The following AFF1 variants were observed in gnomAD, a reference collection of about 807,000 sequenced individuals.
AFF1 encodes AF4/FMR2 family member 1.
Under a neutral mutation model 121.7 loss-of-function variants are expected in AFF1, and 48 were observed. That is an observed-to-expected ratio of 0.39 (90% CI 0.31 to 0.50). AFF1 has a LOEUF of 0.50. Among genes scored for constraint, AFF1 ranks in the 20% least tolerant of loss-of-function variants. The pLI is 0.76. For synonymous variants in AFF1, 613 were observed against 563.0 expected (o/e 1.09, Z -1.26); for missense variants, 1,523 against 1,511.7 (o/e 1.01, Z -0.12).
intron 4 of AFF1, among the ~76,000 whole-genome samples, chr4:87,050,699 G>A (rs1039250371): frequency 2.0e-5 from 3 of 152,166 alleles, no homozygotes; most frequent in African/African-American, 4.8e-5. Context: ...GTTTTTCTCC[G>A]GGAGTGTCTG....
intron 5 of AFF1, among the ~76,000 whole-genome samples, chr4:87,085,738 T>C (rs1032085049): frequency 6.7e-6 from 1 of 150,230 alleles, no homozygotes; most frequent in Non-Finnish European, 1.5e-5. Flanking sequence ...AAAGAACCTC[T>C]AGAGAAACAT....
At chr4:86,958,080 CTTTTTTTTTCCT>C (rs1721874205) in intron 2 of AFF1, among the ~76,000 whole-genome samples, 3 of 120,960 alleles carry the variant, frequency 2.5e-5, no homozygotes, top group African/African-American at 6.1e-5. Context: ...TGAACTTTTT[CTTTTTTTTTCCT>C]TTTTTTTTTT....
intron 2 of AFF1, among the ~76,000 whole-genome samples, chr4:86,948,787 A>AT (rs144298333): frequency 1.2e-4 from 19 of 152,184 alleles, no homozygotes; most frequent in Middle Eastern, 3.4e-3. Flanking sequence ...CTGTTAACTC[A>AT]TTTTTTTTAA....
intron 2 of AFF1, among the ~76,000 whole-genome samples, chr4:87,045,571 T>C (rs1188837419): frequency 6.6e-6 from 1 of 152,198 alleles, no homozygotes; most frequent in African/African-American, 2.4e-5. Flanking sequence ...AATTGGATTT[T>C]CTCATCCTTG....
At chr4:87,000,221 T>C (rs1351687153) in intron 2 of AFF1, among the ~76,000 whole-genome samples, 2 of 152,186 alleles carry the variant, frequency 1.3e-5, no homozygotes, top group Non-Finnish European at 2.9e-5. Flanking sequence ...CCACCCCTTT[T>C]CCTGTGTCTG....
At chr4:87,086,342 A>G (rs1170772533) in intron 5 of AFF1, among the ~76,000 whole-genome samples, 2 of 152,116 alleles carry the variant, frequency 1.3e-5, no homozygotes, top group Non-Finnish European at 2.9e-5. Context: ...GAAATAAGAC[A>G]TGTCACATCC....
At chr4:86,980,947 AC>A (rs57473395) in intron 2 of AFF1, among the ~76,000 whole-genome samples, 7,466 of 102,432 alleles carry the variant, frequency 0.073, 651 homozygotes, top group Middle Eastern at 0.17. Context: ...GGCTTGAGGC[AC>A]CCCCCCCCTC....
At chr4:87,053,168 A>G (rs1560578541) in intron 4 of AFF1, among the ~76,000 whole-genome samples, 1 of 152,190 alleles carries the variant, frequency 6.6e-6, no homozygotes, top group Non-Finnish European at 1.5e-5. Flanking sequence ...GAATCCTTAT[A>G]TGGTCTTAAT....
intron 4 of AFF1, among the ~76,000 whole-genome samples, chr4:87,067,286 A>G (rs572777834): frequency 1.0e-3 from 155 of 152,362 alleles, no homozygotes; most frequent in Non-Finnish European, 1.3e-3. Flanking sequence ...CCATGCAACA[A>G]GCTTAATAGT....
At chr4:86,939,288 ACT>A (rs1421458768) in intron 1 of AFF1, among the ~76,000 whole-genome samples, 2 of 108,578 alleles carry the variant, frequency 1.8e-5, no homozygotes, top group Admixed American at 1.1e-4. Flanking sequence ...AAGTGACTTG[ACT>A]CTGTGACTCA....
intron 2 of AFF1, among the ~76,000 whole-genome samples, chr4:86,994,709 C>T (rs1724982287): frequency 6.6e-6 from 1 of 152,160 alleles, no homozygotes; most frequent in Non-Finnish European, 1.5e-5. Context: ...GAGAAGGCTT[C>T]TGAGAAGAGC....
Position 87,135,615 on chromosome 4 carries a change from T to C in AFF1, c.3571T>C (p.Leu1191=), listed in dbSNP as rs1478730287. 5 of 1,611,434 alleles carry C rather than the reference T, an allele frequency of 3.1e-6. No homozygotes were observed. Among genetic ancestry groups the C allele is most frequent in the Non-Finnish European group, 4.2e-6 (5 of 1,178,706 alleles). ...TCGGCTCAGCACAAATGTGTGCACC[T>C]TGGCCCTCAACAGCAGTTTGGTGGA... is the stretch of plus-strand genomic sequence containing the variant. ...FARLSTNVCT[L]ALNSSLVDLV... Residue 1191 remains leucine (L), a synonymous_variant, in exon 21 of 21, where the codon TTG becomes CTG. Transcript: ENST00000395146.
chr4:86,970,258 C>T (rs1036043333), intron 2 of AFF1, among the ~76,000 whole-genome samples: 1 of 152,086 alleles, frequency 6.6e-6, no homozygotes, highest in African/African-American at 2.4e-5. Context: ...GAAGCCAAGG[C>T]AGCAGGATTG....
At chr4:86,984,329 TTC>T (rs1445228205) in intron 2 of AFF1, among the ~76,000 whole-genome samples, 1 of 151,562 alleles carries the variant, frequency 6.6e-6, no homozygotes, top group Non-Finnish European at 1.5e-5. Flanking sequence ...ACATTTTTTT[TTC>T]TTTTTTTTTT....
At chr4:86,951,615 C>CTTTTTTCTTTTTTTTTTTTTTTTT (rs1721324586) in intron 2 of AFF1, among the ~76,000 whole-genome samples, 1 of 124,944 alleles carries the variant, frequency 8.0e-6, no homozygotes, top group African/African-American at 3.3e-5. Context: ...TTTCTTTTTT[C>CTTTTTTCTTTTTTTTTTTTTTTTT]TTTTTTTCTT....
At chr4:87,094,444 A>G (rs1048022727) in intron 7 of AFF1, among the ~76,000 whole-genome samples, 2 of 152,258 alleles carry the variant, frequency 1.3e-5, no homozygotes, top group African/African-American at 4.8e-5. Context: ...GTCTATAAAT[A>G]GCTGCTGAAT....
intron 4 of AFF1, chr4:87,049,801 G>A (rs1185083757): frequency 2.2e-6 from 1 of 455,210 alleles, no homozygotes; most frequent in African/African-American, 2.0e-5. Flanking sequence ...CAGACAGATG[G>A]AGGGCTCTCG....
intron 4 of AFF1, among the ~76,000 whole-genome samples, chr4:87,057,738 GT>G (rs1186863615): frequency 6.6e-6 from 1 of 152,128 alleles, no homozygotes; most frequent in Non-Finnish European, 1.5e-5. Flanking sequence ...CCAGTTAAGA[GT>G]TCTAAGTGAA....
chr4:87,007,543 CTCA>C (rs1726288356), intron 2 of AFF1: 1 of 1,331,172 alleles, frequency 7.5e-7, no homozygotes, highest in Admixed American at 1.9e-5. Context: ...TCATTGCCTT[CTCA>C]TCATTCCCGA....
Sources: allele counts gnomAD v4.1 joint callset (sites outside exome capture counted in the v4.1 genomes callset), GRCh38; gene constraint gnomAD v4.1.1; transcripts MANE v1.5; gene names NCBI Gene and HGNC (gene_info 2026-07-23, HGNC 2026-07-21).